AOPEP: variants seen among roughly 807,000 people sequenced by gnomAD.
AOPEP encodes the protein aminopeptidase O (putative).
A neutral mutation model predicts 98.1 loss-of-function variants in AOPEP; 77 were observed. The observed-to-expected ratio is 0.78, with a 90% CI of 0.65 to 0.95. AOPEP has a LOEUF of 0.95. Ranked by LOEUF, AOPEP falls within the 40% of genes least tolerant of loss-of-function variation. AOPEP has a pLI of 0.00. For synonymous variants in AOPEP, 346 were observed against 365.3 expected (o/e 0.95, Z 0.60); for missense variants, 1,024 against 1,024.7 (o/e 1.00, Z 0.01).
the AOPEP span, among the ~76,000 whole-genome samples, chr9:95,136,926 C>T: frequency 6.6e-6 from 1 of 152,202 alleles, no homozygotes; most frequent in Non-Finnish European, 1.5e-5. Flanking sequence ...CAACTGCTGG[C>T]TCTGGGATAC....
At chr9:95,036,647 G>A (rs1200160647) in intron 13 of AOPEP, among the ~76,000 whole-genome samples, 2 of 149,792 alleles carry the variant, frequency 1.3e-5, no homozygotes, top group Admixed American at 6.6e-5. Context: ...CCTCCTCCCC[G>A]CCCTCCTCTT....
chr9:94,933,541 A>G (rs528938668), intron 7 of AOPEP: 5 of 985,368 alleles, frequency 5.1e-6, no homozygotes, highest in Non-Finnish European at 6.0e-6. Flanking sequence ...ATGCTAGATA[A>G]ATGCGAGCAT....
intron 5 of AOPEP, among the ~76,000 whole-genome samples, chr9:94,826,506 C>T (rs927559497): frequency 2.6e-5 from 4 of 152,140 alleles, no homozygotes; most frequent in East Asian, 1.9e-4. Context: ...CTCTTCAGCT[C>T]GGTGGCATTT....
At chr9:94,777,731 T>C (rs1371144249) in intron 3 of AOPEP, among the ~76,000 whole-genome samples, 3 of 143,734 alleles carry the variant, frequency 2.1e-5, no homozygotes, top group Non-Finnish European at 3.0e-5. Context: ...CTTCCCGGGC[T>C]CAAGCGATTC....
intron 7 of AOPEP, among the ~76,000 whole-genome samples, chr9:94,943,945 A>C (rs1466281557): frequency 4.0e-5 from 6 of 151,560 alleles, no homozygotes; most frequent in East Asian, 3.9e-4. Flanking sequence ...AAAAAAAAAA[A>C]AACAGGTCAA....
chr9:94,975,411 C>T (rs1442341381), intron 10 of AOPEP, among the ~76,000 whole-genome samples: 3 of 152,170 alleles, frequency 2.0e-5, no homozygotes, highest in Non-Finnish European at 4.4e-5. Context: ...ATTTGTTTCA[C>T]TTTTAGTGCC....
chr9:94,736,168 T>A (rs1290078252), intron 1 of AOPEP, among the ~76,000 whole-genome samples: 1 of 152,148 alleles, frequency 6.6e-6, no homozygotes, highest in South Asian at 2.1e-4. Context: ...TTCTGTAGAG[T>A]GTCTTAGAGG....
intron 13 of AOPEP, among the ~76,000 whole-genome samples, chr9:95,048,608 C>T (rs1167423838): frequency 2.6e-5 from 4 of 152,140 alleles, no homozygotes; most frequent in Non-Finnish European, 5.9e-5. Flanking sequence ...CCGCCCACGC[C>T]TGCCCTCGGC....
chr9:94,824,005 T>C (rs1035581097), intron 5 of AOPEP, among the ~76,000 whole-genome samples: 1 of 152,196 alleles, frequency 6.6e-6, no homozygotes, highest in Non-Finnish European at 1.5e-5. Flanking sequence ...AAAGAAGGGA[T>C]ATAGAAATAG....
At chr9:94,775,818 TAAAC>T (rs529906836) in intron 3 of AOPEP, among the ~76,000 whole-genome samples, 4 of 151,816 alleles carry the variant, frequency 2.6e-5, no homozygotes, top group South Asian at 4.2e-4. Context: ...ACTAAAAATA[TAAAC>T]AAACAAACAA....
chr9:94,755,802 G>C (rs928045853), intron 1 of AOPEP, among the ~76,000 whole-genome samples: 2 of 152,168 alleles, frequency 1.3e-5, no homozygotes, highest in Non-Finnish European at 2.9e-5. Context: ...AAAAGAAATG[G>C]GTGACCTTGA....
At chr9:94,775,533 A>C (rs2132956652) in intron 3 of AOPEP, among the ~76,000 whole-genome samples, 1 of 152,012 alleles carries the variant, frequency 6.6e-6, no homozygotes, top group Admixed American at 6.5e-5. Flanking sequence ...TGCCCAACTA[A>C]TTTTTGTATT....
At chr9:95,038,722 C>G (rs1015776951) in intron 13 of AOPEP, among the ~76,000 whole-genome samples, 1 of 152,166 alleles carries the variant, frequency 6.6e-6, no homozygotes, top group Non-Finnish European at 1.5e-5. Context: ...TTTAATTAGT[C>G]TTACATTAAG....
chr9:95,084,094 A>G (rs1343192111), intron 16 of AOPEP, among the ~76,000 whole-genome samples: 1 of 151,924 alleles, frequency 6.6e-6, no homozygotes, highest in Non-Finnish European at 1.5e-5. Context: ...TTAATAGGGG[A>G]TGTCTAATTT....
At chr9:94,913,245 G>C (rs984560644) in intron 5 of AOPEP, among the ~76,000 whole-genome samples, 2 of 152,162 alleles carry the variant, frequency 1.3e-5, no homozygotes, top group African/African-American at 2.4e-5. Flanking sequence ...GAAATAGAAG[G>C]CTCATAATTT....
intron 11 of AOPEP, chr9:95,003,976 G>C (rs1184739432): frequency 3.9e-6 from 1 of 253,318 alleles, no homozygotes; most frequent in African/African-American, 2.3e-5. Flanking sequence ...TCTCCATTAA[G>C]CTCCTCTGTG....
At chr9:95,011,679 G>A (rs530983817) in intron 13 of AOPEP, among the ~76,000 whole-genome samples, 16 of 152,164 alleles carry the variant, frequency 1.1e-4, no homozygotes, top group Admixed American at 9.8e-4. Flanking sequence ...AGGTATGATG[G>A]TACATGGCTG....
intron 13 of AOPEP, chr9:95,019,074 C>A (rs1466902605): frequency 2.6e-5 from 4 of 152,002 alleles, no homozygotes; most frequent in Non-Finnish European, 5.9e-5. Flanking sequence ...TGTAACTGTT[C>A]TTCAGCCGGC....
At chr9:94,947,960 A>G (rs1301353311) in intron 7 of AOPEP, among the ~76,000 whole-genome samples, 2 of 152,218 alleles carry the variant, frequency 1.3e-5, no homozygotes, top group African/African-American at 2.4e-5. Context: ...TGTGCTTACT[A>G]TGTTGGAAGC....
Sources: gnomAD v4.1 joint callset for allele counts (sites outside exome capture counted in the v4.1 genomes callset) on GRCh38, gnomAD v4.1.1 for gene constraint, MANE v1.5 for transcripts, NCBI Gene and HGNC (gene_info 2026-07-23, HGNC 2026-07-21) for gene names.